Variants in MBD5 observed in about 807,000 individuals in gnomAD.
MBD5 encodes the protein methyl-CpG binding domain protein 5, also known as methyl-CpG-binding domain protein 5.
In MBD5, 13 loss-of-function variants were observed where a neutral mutation model predicts 117.3. That is an observed-to-expected ratio of 0.11 (90% CI 0.07 to 0.18). MBD5 has a LOEUF of 0.18. Ranked by LOEUF, MBD5 falls within the 10% of genes least tolerant of loss-of-function variation. The probability of loss-of-function intolerance (pLI) is 1.00; values close to 1 mark genes in which losing one functional copy is unlikely to be tolerated. For synonymous variants in MBD5, 727 were observed against 766.4 expected, an observed-to-expected ratio of 0.95 and a Z score of 0.85; for missense variants, 1,879 against 2,093.8, an observed-to-expected ratio of 0.90 and a Z score of 2.00.
intron 4 of MBD5, among the ~76,000 whole-genome samples, chr2:148,374,598 T>G (rs1703945942): frequency 6.6e-6 from 1 of 152,182 alleles, no homozygotes; most frequent in African/African-American, 2.4e-5. Flanking sequence ...ACCTTCCGTT[T>G]GAAGTTTTTC....
intron 4 of MBD5, among the ~76,000 whole-genome samples, chr2:148,449,528 C>T (rs968208516): frequency 2.0e-5 from 3 of 151,728 alleles, no homozygotes; most frequent in African/African-American, 7.3e-5. Context: ...GACATTTAAA[C>T]TGAGATGAAT....
chr2:148,397,464 G>A (rs1458919334), intron 4 of MBD5, among the ~76,000 whole-genome samples: 3 of 151,526 alleles, frequency 2.0e-5, no homozygotes, highest in Non-Finnish European at 4.4e-5. Flanking sequence ...CGAGTAGCTG[G>A]GACTACAGAT....
intron 2 of MBD5, among the ~76,000 whole-genome samples, chr2:148,179,732 A>G (rs974181129): frequency 2.0e-5 from 3 of 152,210 alleles, no homozygotes; most frequent in Non-Finnish European, 2.9e-5. Context: ...GTGAGATACA[A>G]GGGGAATAAA....
chr2:148,174,577 A>G (rs893954045), intron 1 of MBD5, among the ~76,000 whole-genome samples: 3 of 152,104 alleles, frequency 2.0e-5, no homozygotes, highest in Non-Finnish European at 4.4e-5. Context: ...CAAAATATAT[A>G]AGAAGCCGAA....
chr2:148,088,853 T>C (rs1006258507), intron 1 of MBD5, among the ~76,000 whole-genome samples: 2 of 152,034 alleles, frequency 1.3e-5, no homozygotes, highest in African/African-American at 4.8e-5. Context: ...ACCTCAAATC[T>C]CCATACTAAC....
intron 4 of MBD5, among the ~76,000 whole-genome samples, chr2:148,390,028 T>C (rs1704517717): frequency 6.6e-6 from 1 of 152,220 alleles, no homozygotes; most frequent in South Asian, 2.1e-4. Flanking sequence ...TTTCCTAGGT[T>C]TTCTTCTAGA....
intron 2 of MBD5, among the ~76,000 whole-genome samples, chr2:148,224,183 G>C (rs902604162): frequency 6.6e-6 from 1 of 152,148 alleles, no homozygotes; most frequent in African/African-American, 2.4e-5. Context: ...AAAAAAATGT[G>C]TATTCTGCAG....
intron 1 of MBD5, among the ~76,000 whole-genome samples, chr2:148,159,651 C>T (rs1039158405): frequency 2.6e-5 from 4 of 152,128 alleles, no homozygotes; most frequent in Non-Finnish European, 5.9e-5. Flanking sequence ...TAGCATTATA[C>T]TCATTAAGAC....
chr2:148,512,697 T>C (rs986832416), intron 13 of MBD5, among the ~76,000 whole-genome samples, 173 bp from the exon 14 acceptor site: 1 of 152,218 alleles, frequency 6.6e-6, no homozygotes, highest in African/African-American at 2.4e-5. Context: ...GTAGTGACTG[T>C]GGGCACACTG....
chr2:148,280,141 A>AAAC (rs1701211529), intron 3 of MBD5, among the ~76,000 whole-genome samples: 1 of 150,704 alleles, frequency 6.6e-6, no homozygotes, highest in East Asian at 1.9e-4. Context: ...CAAAAAAAAA[A>AAAC]AAAAAAAAAC....
intron 1 of MBD5, among the ~76,000 whole-genome samples, chr2:148,034,021 C>T (rs972134968): frequency 6.6e-6 from 1 of 152,074 alleles, no homozygotes. Flanking sequence ...ATGGTGAAAC[C>T]TCATTTCTGC....
chr2:148,389,012 G>A lies in MBD5; in HGVS notation c.-557+46676G>A, dbSNP rs1704466071. ...TTACCCCTCTTTTGGAGTCCCTAAT[G>A]TCTGTTATTTCCATCTTTATGTCCC... On this transcript the variant is annotated intron_variant, in intron 4 of 13. Transcript: ENST00000642680. Among the ~76,000 whole-genome samples the A allele has an allele frequency of 3.3e-5, 5 of 151,058 alleles. 1 individual carries two copies. In the South Asian group the frequency reaches 1.0e-3, roughly 32 times the overall value.
chr2:148,294,769 G>A (rs1183108477), intron 3 of MBD5, among the ~76,000 whole-genome samples: 1 of 152,170 alleles, frequency 6.6e-6, no homozygotes, highest in South Asian at 2.1e-4. Context: ...GCCTCCCAAA[G>A]TGCTGGGATT....
At chr2:148,121,702 C>A (rs1696771724) in intron 1 of MBD5, among the ~76,000 whole-genome samples, 1 of 151,970 alleles carries the variant, frequency 6.6e-6, no homozygotes, top group Admixed American at 6.6e-5. Flanking sequence ...TAAACTGATT[C>A]CTTTGAGAAC....
In MBD5 at chr2:148,447,178, G is replaced by GGAAAGAAAGAAAGAAAGAAAGAAAGAAA. The variant is rs70995316; in HGVS notation, c.-556-10995_-556-10968dup. On this transcript the variant is annotated intron_variant, in intron 4 of 13. Coordinates refer to ENST00000642680, the MANE Select transcript of MBD5 (RefSeq NM_001378120.1). Reference sequence around the variant, plus strand: ...AGGAAAGAAAGGAAGAAAGGAAGAAGGAAAGAAAGAAAGAAAGAAAGAAAG... The same window carrying GGAAAGAAAGAAAGAAAGAAAGAAAGAAA: ...AGGAAAGAAAGGAAGAAAGGAAGAAGGAAAGAAAGAAAGAAAGAAAGAAAGAAAGAAAGAAAGAAAGAAAGAAAGAAAG... Among the ~76,000 whole-genome samples, 20 of 137,648 alleles carry GGAAAGAAAGAAAGAAAGAAAGAAAGAAA rather than the reference G, an allele frequency of 1.5e-4. 1 individual carries two copies. Among genetic ancestry groups the GGAAAGAAAGAAAGAAAGAAAGAAAGAAA allele is most frequent in the African/African-American group, 4.1e-4 (14 of 34,068 alleles). The allele number at this position is 137,648 out of a possible 152,430, so 90.3% of individuals were successfully genotyped here.
At chr2:148,233,992 C>T (rs1189565174) in intron 3 of MBD5, among the ~76,000 whole-genome samples, 1 of 152,112 alleles carries the variant, frequency 6.6e-6, no homozygotes, top group Non-Finnish European at 1.5e-5. Context: ...TCCCAAAGAG[C>T]ATCTGGGCAA....
intron 3 of MBD5, among the ~76,000 whole-genome samples, chr2:148,319,559 A>G (rs1329747550): frequency 2.0e-5 from 3 of 152,186 alleles, no homozygotes; most frequent in African/African-American, 7.2e-5. Context: ...TTACTATATC[A>G]TTATTGGCAC....
chr2:148,260,997 T>A (rs897473082), intron 3 of MBD5, among the ~76,000 whole-genome samples: 28 of 152,304 alleles, frequency 1.8e-4, no homozygotes, highest in Admixed American at 4.6e-4. Flanking sequence ...AGTAATATTT[T>A]GAAAGGAGTA....
intron 1 of MBD5, among the ~76,000 whole-genome samples, chr2:148,153,506 G>GT (rs1197563755): frequency 1.5e-4 from 13 of 89,190 alleles, no homozygotes; most frequent in Non-Finnish European, 3.0e-4. Context: ...GATTGGGGAA[G>GT]TTCTCCTGGA....
Sources: allele counts gnomAD v4.1 joint callset (sites outside exome capture counted in the v4.1 genomes callset), GRCh38; gene constraint gnomAD v4.1.1; transcripts MANE v1.5; gene names NCBI Gene and HGNC (gene_info 2026-07-23, HGNC 2026-07-21).